Variants in NCOR2 observed in about 807,000 individuals in gnomAD.
NCOR2 encodes the protein CTG repeat protein 26.
In NCOR2, 81 loss-of-function variants were observed where a neutral mutation model predicts 262.9. The ratio of observed to expected loss-of-function variants is 0.31; its 90% CI spans 0.26 to 0.37. The LOEUF is 0.37. NCOR2 is among the 10% of genes least tolerant of loss of function. NCOR2 has a pLI of 1.00. For missense variants in NCOR2, 3,385 were observed against 3,621.4 expected (o/e 0.93, Z 1.68); for synonymous variants, 1,659 against 1,559.3 (o/e 1.06, Z -1.51).
At chr12:124,398,704 C>G (rs370246517) in intron 15 of NCOR2, among the ~76,000 whole-genome samples, 7 of 152,220 alleles carry the variant, frequency 4.6e-5, no homozygotes, top group African/African-American at 1.7e-4. Flanking sequence ...GGACTCTGCA[C>G]GCTGGACTCC....
intron 17 of NCOR2, among the ~76,000 whole-genome samples, chr12:124,382,013 C>A (rs1404308047): frequency 3.3e-5 from 5 of 152,200 alleles, no homozygotes; most frequent in Admixed American, 6.5e-5. Context: ...GGAGGGGACA[C>A]CCACTGACCC....
intron 30 of NCOR2, among the ~76,000 whole-genome samples, chr12:124,347,147 C>G (rs2037000125): frequency 6.6e-6 from 1 of 152,200 alleles, no homozygotes; most frequent in Non-Finnish European, 1.5e-5. Context: ...GGCAGGCAGA[C>G]AGCTTGAGCT....
At chr12:124,334,880 A>AG in intron 40 of NCOR2, 1 of 619,364 alleles carries the variant, frequency 1.6e-6, no homozygotes, top group East Asian at 2.8e-5. Flanking sequence ...GCCACCAGGA[A>AG]GGCCTCATTG....
At chr12:124,402,504 G>C (rs376621472) in exon 14 of NCOR2, 2 of 1,559,728 alleles carry the variant, frequency 1.3e-6, no homozygotes, top group Non-Finnish European at 8.8e-7. Context: ...TGGCTGCTGC[G>C]GGGCATGGGC....
At position 124,457,750 on chromosome 12, in the gene NCOR2, T is replaced by C. The variant is rs988200898; in HGVS notation, c.706-588A>G. Among the ~76,000 whole-genome samples the C allele has an allele frequency of 2.0e-5, 3 of 152,112 alleles. No individual in the cohort carries two copies. Among genetic ancestry groups the C allele is most frequent in the African/African-American group, 7.2e-5 (3 of 41,416 alleles). Reference sequence around the variant, plus strand: ...GGGACTTATTAGGAAAACAGGAACATGTGGCGCAGGGCTCGGTGGCCGCTC... The same window carrying C: ...GGGACTTATTAGGAAAACAGGAACACGTGGCGCAGGGCTCGGTGGCCGCTC... On this transcript the variant is annotated intron_variant, in intron 5 of 46. Transcript: ENST00000405201. This position sits in a 1 kb window ranked among gnomAD's most constrained non-coding sequence, Gnocchi z 4.0.
intron 22 of NCOR2, 53 bp from the exon 25 acceptor site, chr12:124,356,835 C>G: frequency 7.0e-7 from 1 of 1,425,760 alleles, no homozygotes; most frequent in Non-Finnish European, 9.2e-7. Flanking sequence ...GCAGTCAGAC[C>G]TCGGGAGCCC....
intron 43 of NCOR2, among the ~76,000 whole-genome samples, 161 bp from the exon 46 acceptor site, chr12:124,331,059 A>C (rs1486235279): frequency 7.3e-6 from 1 of 137,238 alleles, no homozygotes; most frequent in Non-Finnish European, 1.6e-5. Flanking sequence ...AAGCGTCTGC[A>C]TTTCTTTTTT....
chr12:124,334,417 C>A lies in NCOR2; in HGVS notation c.6605+7G>T. 1 of 1,523,540 alleles carries A rather than the reference C, an allele frequency of 6.6e-7. No individual in the cohort carries two copies. Among genetic ancestry groups the A allele is most frequent in the Admixed American group, 2.1e-5 (1 of 48,598 alleles). The allele number at this position is 1,523,540 out of a possible 1,614,324, so 94.4% of individuals were successfully genotyped here. On this transcript the variant is annotated splice_region_variant and intron_variant, in intron 41 of 46. Transcript: ENST00000405201. Reference sequence around the variant, plus strand: ...ACCAGCAAGAGGCACCCCCATCCCTCGCTCACCTCTTGCCCCCTTCGCTGT... The same window carrying A: ...ACCAGCAAGAGGCACCCCCATCCCTAGCTCACCTCTTGCCCCCTTCGCTGT...
At chr12:124,399,410 A>C (rs1436702793) in intron 15 of NCOR2, among the ~76,000 whole-genome samples, 1 of 152,172 alleles carries the variant, frequency 6.6e-6, no homozygotes, top group Admixed American at 6.5e-5. Context: ...CTATCCCCAG[A>C]GATCAGGCAG....
intron 13 of NCOR2, among the ~76,000 whole-genome samples, chr12:124,409,617 T>C (rs1207838444): frequency 6.6e-6 from 1 of 151,576 alleles, no homozygotes; most frequent in Non-Finnish European, 1.5e-5. Context: ...TTGTTTGCCC[T>C]TTTTTTTGGA....
exon 41 of NCOR2, chr12:124,334,531 G>T (rs889149431): frequency 7.0e-7 from 1 of 1,432,696 alleles, no homozygotes; most frequent in Non-Finnish European, 9.1e-7. Flanking sequence ...CGGGGCAGCT[G>T]GCCCCAGGGA....
chr12:124,554,217 C>T (rs1346961407), intron 1 of NCOR2, among the ~76,000 whole-genome samples: 2 of 152,230 alleles, frequency 1.3e-5, no homozygotes, highest in Admixed American at 6.5e-5. Context: ...AGAGGTGCCG[C>T]GAGGTGGCAT....
At chr12:124,433,810 C>G (rs887107301) in intron 8 of NCOR2, among the ~76,000 whole-genome samples, 13 of 150,446 alleles carry the variant, frequency 8.6e-5, no homozygotes, top group Admixed American at 2.0e-4. Flanking sequence ...GGAAACAGAT[C>G]CCTTCCTCCC....
At chr12:124,387,446 C>T (rs556891727) in intron 16 of NCOR2, among the ~76,000 whole-genome samples, 19 of 152,336 alleles carry the variant, frequency 1.2e-4, no homozygotes, top group Middle Eastern at 3.4e-3. Flanking sequence ...GGGGAAATCT[C>T]GGTTCAGAGG....
At chr12:124,501,062 G>GCACGCACACACACACACACA (rs1164232439) in intron 1 of NCOR2, among the ~76,000 whole-genome samples, 1 of 147,810 alleles carries the variant, frequency 6.8e-6, no homozygotes, top group African/African-American at 2.5e-5. Flanking sequence ...GCGCACGCGC[G>GCACGCACACACACACACACA]CACACACACA....
rs1219345476 is a variant in NCOR2, at chr12:124,548,652, T to G, written c.-164-13041A>C. ...ATCTTTACTGTTCCTGTTATTTTTT[T>G]CTGTGCTGTTAGGGCGGGGCGGGGG... On this transcript the variant is annotated intron_variant, in intron 1 of 32. Transcript: ENST00000458234. The surrounding 1 kb of genome is among the most constrained non-coding windows in gnomAD (Gnocchi z 5.1). Among the ~76,000 whole-genome samples the G allele has an allele frequency of 1.3e-5, 2 of 152,176 alleles. No homozygotes were observed. Among genetic ancestry groups the G allele is most frequent in the African/African-American group, 4.8e-5 (2 of 41,430 alleles).
intron 11 of NCOR2, among the ~76,000 whole-genome samples, chr12:124,425,083 T>C (rs1214145869): frequency 3.3e-5 from 5 of 152,220 alleles, no homozygotes; most frequent in African/African-American, 9.6e-5. Flanking sequence ...TTAACCCTTA[T>C]GAGATTTTTG....
intron 6 of NCOR2, among the ~76,000 whole-genome samples, chr12:124,456,502 A>G (rs1486610222): frequency 6.6e-6 from 1 of 152,244 alleles, no homozygotes; most frequent in Admixed American, 6.5e-5. Flanking sequence ...CATCATCGCC[A>G]TCATCGCCAT....
chr12:124,487,201 C>T (rs1025118844), intron 1 of NCOR2, among the ~76,000 whole-genome samples: 1 of 152,174 alleles, frequency 6.6e-6, no homozygotes, highest in Non-Finnish European at 1.5e-5. Context: ...GTGATGCCCA[C>T]GCGAGGGAAC....
Sources: gnomAD v4.1 joint callset for allele counts (sites outside exome capture counted in the v4.1 genomes callset) on GRCh38, gnomAD v4.1.1 for gene constraint, Gnocchi (gnomAD v3.1) non-coding constraint, MANE v1.5 for transcripts, NCBI Gene and HGNC (gene_info 2026-07-23, HGNC 2026-07-21) for gene names.